ZNF322: variants seen among roughly 807,000 people sequenced by gnomAD.
ZNF322 encodes zinc finger protein 322.
A neutral mutation model predicts 18.3 loss-of-function variants in ZNF322; 1 was observed. That is an observed-to-expected ratio of 0.05 (90% CI 0.02 to 0.26). The LOEUF (loss-of-function observed/expected upper bound fraction) is 0.26. Ranked by LOEUF, ZNF322 falls within the 10% of genes least tolerant of loss-of-function variation. ZNF322 has a pLI of 1.00. For synonymous variants in ZNF322, 17 were observed against 130.7 expected, an observed-to-expected ratio of 0.13 and a Z score of 5.93; for missense variants, 36 against 403.6, an observed-to-expected ratio of 0.09 and a Z score of 7.80.
At chr6:26,639,265 T>A (rs1561921387) in intron 3 of ZNF322, among the ~76,000 whole-genome samples, 1 of 152,170 alleles carries the variant, frequency 6.6e-6, no homozygotes, top group Non-Finnish European at 1.5e-5. Flanking sequence ...CCTTACACGG[T>A]TCTGTGGAAT....
intron 2 of ZNF322, among the ~76,000 whole-genome samples, chr6:26,649,675 G>GTGTGTGTGTATA (rs1465971500): frequency 1.3e-4 from 3 of 22,956 alleles, no homozygotes; most frequent in Non-Finnish European, 2.1e-4. Context: ...GTGTGTGTGT[G>GTGTGTGTGTATA]TATATATATA....
At chr6:26,647,343 G>GTA (rs1765575028) in intron 2 of ZNF322, among the ~76,000 whole-genome samples, 1 of 151,194 alleles carries the variant, frequency 6.6e-6, no homozygotes, top group Admixed American at 6.6e-5. Context: ...ATGAACTAGA[G>GTA]AACAAAAAGA....
At chr6:26,654,514 A>G (rs1765730303) in intron 2 of ZNF322, among the ~76,000 whole-genome samples, 1 of 152,196 alleles carries the variant, frequency 6.6e-6, no homozygotes, top group Non-Finnish European at 1.5e-5. Flanking sequence ...AAAGTGGTGC[A>G]ATATGCCAGA....
Position 26,659,634 on chromosome 6 carries a change from G to C in ZNF322, c.-528C>G, listed in dbSNP as rs1765848313. The C allele has an allele frequency of 6.0e-6, 1 of 166,442 alleles. No homozygotes were observed. The allele number at this position is 166,442 out of a possible 1,614,324, so 10.3% of individuals were successfully genotyped here. A position where few individuals can be genotyped will look rare whatever the true frequency, so the allele number is the denominator to read the frequency against. On this transcript the variant is annotated 5_prime_UTR_variant, in exon 1 of 4. Coordinates refer to ENST00000415922, the MANE Select transcript of ZNF322 (RefSeq NM_024639.5). ...CAACTCCCTTCGTGCGCCTAGACTA[G>C]AGGAGTTGGGGCCAGGCCGCCCACA...
intron 2 of ZNF322, among the ~76,000 whole-genome samples, chr6:26,645,772 C>G (rs1554148690): frequency 6.6e-6 from 1 of 152,086 alleles, no homozygotes; most frequent in Non-Finnish European, 1.5e-5. Context: ...TGGCTCACGC[C>G]TGTAATCCCC....
rs890390924 is a variant in ZNF322, at chr6:26,654,913, T to C, written c.-246+3645A>G. ...ACACCACCTTAACCTAATGGTATCC[T>C]CAACTAAAGTGAACATGACCAGTAA... On this transcript the variant is annotated intron_variant, in intron 2 of 3. Transcript: ENST00000415922. Among the ~76,000 whole-genome samples the C allele has an allele frequency of 2.6e-5, 4 of 152,124 alleles. No homozygotes were observed. In the East Asian group the frequency reaches 7.7e-4, roughly 29 times the overall value.
chr6:26,641,626 C>T lies in ZNF322; in HGVS notation c.-176+2033G>A, dbSNP rs116860250. Among the ~76,000 whole-genome samples the T allele has an allele frequency of 3.8e-3, 571 of 152,236 alleles. 8 individuals carry two copies. The highest frequency in any genetic ancestry group is 0.024 in the Middle Eastern group (7 of 294). ...GTTAATCTGTAACTCTAGCCCCAGCCCTGTGCTCGCAGAAACATGTGCAGT... is the reference window on the plus strand; with the variant it reads ...GTTAATCTGTAACTCTAGCCCCAGCTCTGTGCTCGCAGAAACATGTGCAGT... On this transcript the variant is annotated intron_variant, in intron 3 of 3. Transcript: ENST00000415922.
At chr6:26,652,398 G>GT (rs1554149289) in intron 2 of ZNF322, among the ~76,000 whole-genome samples, 1 of 152,094 alleles carries the variant, frequency 6.6e-6, no homozygotes, top group East Asian at 1.9e-4. Context: ...TAAAAAAACT[G>GT]GCAAGTCAAG....
In ZNF322 at chr6:26,637,333, CT is replaced by C. The variant is rs1765371409; in HGVS notation, c.*11del. 6.4e-7 allele frequency: 1 copy of C among 1,570,392 alleles called. No homozygotes were observed. Among genetic ancestry groups the C allele is most frequent in the Non-Finnish European group, 8.8e-7 (1 of 1,142,106 alleles). On this transcript the variant is annotated 3_prime_UTR_variant, in exon 4 of 4. Coordinates refer to ENST00000415922, the MANE Select transcript of ZNF322 (RefSeq NM_024639.5). Reference sequence around the variant, plus strand: ...ATAATTTTTAATATTGGTATTACAGCTTCTCGCCTGGTCAAGACATCTGTGA... The same window carrying C: ...ATAATTTTTAATATTGGTATTACAGCTCTCGCCTGGTCAAGACATCTGTGA...
chr6:26,649,702 T>TATATATATATATATATA (rs1491481825), intron 2 of ZNF322, among the ~76,000 whole-genome samples: 1 of 89,128 alleles, frequency 1.1e-5, no homozygotes, highest in Admixed American at 1.1e-4. Context: ...TATATATATA[T>TATATATATATATATATA]TTTTTTTTTT....
At position 26,654,784 on chromosome 6, in the gene ZNF322, T is replaced by G. The variant is rs138925922; in HGVS notation, c.-246+3774A>C. Among the ~76,000 whole-genome samples the G allele has an allele frequency of 2.4e-3, 373 of 152,246 alleles. 8 individuals are homozygous for G. The highest frequency in any genetic ancestry group is 0.016 in the Admixed American group (252 of 15,288). On this transcript the variant is annotated intron_variant, in intron 2 of 3. Transcript: ENST00000415922. ...GCAAAAATCTACTGGATGAAAAATT[T>G]TATGAGAATCAAGATATTTACATAA...
intron 2 of ZNF322, among the ~76,000 whole-genome samples, chr6:26,644,968 C>G (rs1056246806): frequency 6.6e-6 from 1 of 152,120 alleles, no homozygotes; most frequent in Admixed American, 6.5e-5. Flanking sequence ...TCTCCCTCCC[C>G]CCGCACCTTG....
intron 2 of ZNF322, among the ~76,000 whole-genome samples, chr6:26,644,964 T>TC (rs1304180576): frequency 6.6e-6 from 1 of 152,042 alleles, no homozygotes; most frequent in African/African-American, 2.4e-5. Flanking sequence ...ATGTTCTCCC[T>TC]CCCCCCGCAC....
intron 2 of ZNF322, chr6:26,651,585 AG>A (rs1486771687): frequency 1.3e-5 from 2 of 152,200 alleles, no homozygotes; most frequent in African/African-American, 4.8e-5. Context: ...TGCTGACAGT[AG>A]ATTTTATGTT....
chr6:26,646,345 C>T (rs1554148757), intron 2 of ZNF322, among the ~76,000 whole-genome samples: 1 of 151,868 alleles, frequency 6.6e-6, no homozygotes, highest in African/African-American at 2.4e-5. Context: ...TTCAGGCAGG[C>T]TAAAAATAAG....
chr6:26,656,301 T>C (rs951908113), intron 2 of ZNF322, among the ~76,000 whole-genome samples: 1 of 152,212 alleles, frequency 6.6e-6, no homozygotes, highest in Non-Finnish European at 1.5e-5. Context: ...ATTCTCTTTT[T>C]TCCTCACAGA....
chr6:26,647,200 C>T (rs969836269), intron 2 of ZNF322, among the ~76,000 whole-genome samples: 18 of 150,958 alleles, frequency 1.2e-4, no homozygotes, highest in South Asian at 2.1e-4. Flanking sequence ...TTTGGGAGGC[C>T]GAGGCAGTAG....
intron 2 of ZNF322, among the ~76,000 whole-genome samples, chr6:26,648,541 C>A (rs1421099514): frequency 6.6e-6 from 1 of 152,128 alleles, no homozygotes; most frequent in Non-Finnish European, 1.5e-5. Context: ...GAAAACCCTA[C>A]AAAGGACCAA....
At chr6:26,649,873 C>T (rs1475321447) in intron 2 of ZNF322, among the ~76,000 whole-genome samples, 3 of 150,452 alleles carry the variant, frequency 2.0e-5, no homozygotes, top group Admixed American at 6.6e-5. Flanking sequence ...CTGGCTAATT[C>T]TGTATTTTTA....
Sources: allele counts gnomAD v4.1 joint callset (sites outside exome capture counted in the v4.1 genomes callset), GRCh38; gene constraint gnomAD v4.1.1; transcripts MANE v1.5; gene names NCBI Gene and HGNC (gene_info 2026-07-23, HGNC 2026-07-21).